The following ADGRG5 variants were observed in gnomAD, a reference collection of about 807,000 sequenced individuals.
ADGRG5 encodes G protein-coupled receptor 114.
Under a neutral mutation model 53.2 loss-of-function variants are expected in ADGRG5, and 37 were observed. That is an observed-to-expected ratio of 0.70 (90% confidence interval 0.53 to 0.91). The LOEUF (loss-of-function observed/expected upper bound fraction) is 0.91, where lower values mean the gene tolerates loss of function less well. ADGRG5 is among the 40% of genes least tolerant of loss of function. The probability of loss-of-function intolerance (pLI) is 0.00; values close to 1 mark genes in which losing one functional copy is unlikely to be tolerated. For missense variants in ADGRG5, 614 were observed against 675.8 expected (o/e 0.91, Z 1.01); for synonymous variants, 277 against 290.4 (o/e 0.95, Z 0.47).
intron 2 of ADGRG5, 39 bp from the exon 3 acceptor site, chr16:57,562,345 A>G (rs1443923649): frequency 6.4e-7 from 1 of 1,550,530 alleles, no homozygotes; most frequent in Non-Finnish European, 8.8e-7. Flanking sequence ...GCCAGAGGGC[A>G]GTTGAGACAC....
chr16:57,551,447 A>G (rs917099051), intron 1 of ADGRG5, among the ~76,000 whole-genome samples: 1 of 152,084 alleles, frequency 6.6e-6, no homozygotes, highest in African/African-American at 2.4e-5. Context: ...TTTTGTTGTC[A>G]TTTCCACAGT....
intron 9 of ADGRG5, among the ~76,000 whole-genome samples, chr16:57,570,036 C>T (rs1410941770): frequency 6.6e-6 from 1 of 152,214 alleles, no homozygotes; most frequent in African/African-American, 2.4e-5. Flanking sequence ...CCATCTCCAC[C>T]ATCATCACTT....
intron 6 of ADGRG5, chr16:57,566,035 A>C (rs1442459065): frequency 6.6e-6 from 1 of 152,426 alleles, no homozygotes; most frequent in East Asian, 1.9e-4. Flanking sequence ...CTCGTGTTGA[A>C]ATCCAACACG....
the ADGRG5 span, among the ~76,000 whole-genome samples, chr16:57,535,184 G>C: frequency 2.6e-5 from 4 of 152,180 alleles, no homozygotes; most frequent in African/African-American, 9.7e-5. Flanking sequence ...CACAGACTGC[G>C]GGCACCTGTC....
chr16:57,574,805 T>A lies in ADGRG5; in HGVS notation c.1209-10T>A, dbSNP rs2033465595. The A allele has an allele frequency of 6.4e-7, 1 of 1,555,988 alleles. No individual in the cohort carries two copies. On this transcript the variant is annotated splice_polypyrimidine_tract_variant and intron_variant, in intron 10 of 11. Coordinates refer to ENST00000349457, the MANE Select transcript of ADGRG5 (RefSeq NM_001304376.3). The surrounding 1 kb of genome is among the most constrained non-coding windows in gnomAD (Gnocchi z 4.4). The stretch of plus-strand genomic sequence containing the variant: ...CCACTGTGAGCCTGACACGTCACCC[T>A]CCCCTGCAGATGCTGGGTGCGGAGC...
Position 57,575,101 on chromosome 16 carries a change from G to T in ADGRG5, c.1486+9G>T. ...CTTAAACTCGCTCTACGGTAGGGCT[G>T]GAGGGCGGCCTGGAGGAAGCTACCT... On this transcript the variant is annotated intron_variant, in intron 11 of 11. Transcript: ENST00000349457. 1 of 1,605,722 alleles carries T rather than the reference G, an allele frequency of 6.2e-7. No homozygotes were observed.
chr16:57,560,382 C>T (rs2032973325), intron 1 of ADGRG5, among the ~76,000 whole-genome samples: 1 of 152,234 alleles, frequency 6.6e-6, no homozygotes, highest in Non-Finnish European at 1.5e-5. Context: ...GAGAGGAGCA[C>T]TAAAAACCTA....
chr16:57,557,964 T>C (rs1344602004), intron 1 of ADGRG5, among the ~76,000 whole-genome samples: 2 of 152,246 alleles, frequency 1.3e-5, no homozygotes, highest in African/African-American at 4.8e-5. Context: ...CTCTAAGATC[T>C]GGTTCTGTAT....
chr16:57,566,427 C>G (rs2033132503), intron 6 of ADGRG5, 172 bp from the exon 7 acceptor site: 1 of 512,400 alleles, frequency 2.0e-6, no homozygotes, highest in Non-Finnish European at 3.3e-6. Context: ...CTCTGAGAGC[C>G]CACAGTGGAG....
chr16:57,536,103 C>A, the ADGRG5 span, among the ~76,000 whole-genome samples: 1 of 152,124 alleles, frequency 6.6e-6, no homozygotes, highest in Non-Finnish European at 1.5e-5. Context: ...CGGCTCTGGG[C>A]AGGGCGCCGT....
chr16:57,532,313 A>T, the ADGRG5 span, among the ~76,000 whole-genome samples: 1 of 152,130 alleles, frequency 6.6e-6, no homozygotes, highest in East Asian at 1.9e-4. Flanking sequence ...CCCGACCCTG[A>T]TAACATCTGT....
At chr16:57,540,650 C>T (rs1042369881), upstream of ADGRG5, among the ~76,000 whole-genome samples, 1 of 152,170 alleles carries the variant, frequency 6.6e-6, no homozygotes, top group Non-Finnish European at 1.5e-5. Flanking sequence ...TGGAGGGCTT[C>T]CCAGGTACAT....
At chr16:57,537,051 A>C in the ADGRG5 span, among the ~76,000 whole-genome samples, 16 of 152,204 alleles carry the variant, frequency 1.1e-4, no homozygotes, top group Admixed American at 3.9e-4. Context: ...TCTGTACAAC[A>C]GAAGGGTTGA....
In ADGRG5 at chr16:57,575,645, A is replaced by C; in HGVS notation, c.*107A>C. On this transcript the variant is annotated 3_prime_UTR_variant, in exon 12 of 12. Coordinates refer to ENST00000349457, the MANE Select transcript of ADGRG5 (RefSeq NM_001304376.3). Reference sequence around the variant, plus strand: ...GGCCTGCTGCTGGACCCCAGAGGCCACTGTGACCGCCAAGGGGCCTTTTCC... The same window carrying C: ...GGCCTGCTGCTGGACCCCAGAGGCCCCTGTGACCGCCAAGGGGCCTTTTCC... 12 of 837,922 alleles carry C rather than the reference A, an allele frequency of 1.4e-5. No homozygotes were observed. The highest frequency in any genetic ancestry group is 2.3e-5 in the Non-Finnish European group (12 of 517,082). 51.9% of individuals were successfully genotyped at this position (837,922 alleles called of 1,614,324 possible).
intron 1 of ADGRG5, among the ~76,000 whole-genome samples, chr16:57,544,846 T>C (rs191096054): frequency 3.9e-5 from 6 of 152,268 alleles, no homozygotes; most frequent in Admixed American, 3.9e-4. Flanking sequence ...CGGAGTGCAG[T>C]GTCACAATCA....
chr16:57,567,697 G>A (rs2146812635), intron 8 of ADGRG5, 106 bp downstream of exon 8: 1 of 1,469,644 alleles, frequency 6.8e-7, no homozygotes, highest in Non-Finnish European at 9.3e-7. Context: ...CAGAGGGTGG[G>A]GACCAGGAGG....
upstream of ADGRG5, among the ~76,000 whole-genome samples, chr16:57,541,245 G>A (rs1173106781): frequency 1.3e-5 from 2 of 152,174 alleles, no homozygotes. Context: ...GGGTAGGCAG[G>A]GCCTCCTCCT....
At chr16:57,539,079 T>C (rs4784820), upstream of ADGRG5, among the ~76,000 whole-genome samples, 51,124 of 152,098 alleles carry the variant, frequency 0.34, 8,735 homozygotes, top group East Asian at 0.46. Context: ...AACTGAAGTG[T>C]CCATCAACAG....
At chr16:57,531,103 C>T in the ADGRG5 span, among the ~76,000 whole-genome samples, 1 of 152,156 alleles carries the variant, frequency 6.6e-6, no homozygotes, top group South Asian at 2.1e-4. Context: ...CGAGCCATCT[C>T]GCTATGTCCC....
Sources: allele counts gnomAD v4.1 joint callset (sites outside exome capture counted in the v4.1 genomes callset), GRCh38; gene constraint gnomAD v4.1.1; non-coding constraint Gnocchi (gnomAD v3.1); transcripts MANE v1.5; gene names NCBI Gene and HGNC (gene_info 2026-07-23, HGNC 2026-07-21).